Variants in ZC3H12B observed in about 807,000 individuals in gnomAD.
ZC3H12B encodes the protein probable ribonuclease ZC3H12B.
Under a neutral mutation model 43.9 loss-of-function variants are expected in ZC3H12B, and 7 were observed. That is an observed-to-expected ratio of 0.16 (90% CI 0.09 to 0.30). ZC3H12B has a LOEUF of 0.30. Ranked by LOEUF, ZC3H12B falls within the 10% of genes least tolerant of loss-of-function variation. ZC3H12B has a pLI of 1.00. For missense variants in ZC3H12B, 475 were observed against 670.2 expected (o/e 0.71, Z 3.22); for synonymous variants, 222 against 241.7 (o/e 0.92, Z 0.76).
At chrX:65,488,394 G>A (rs1030743897), upstream of ZC3H12B, among the ~76,000 whole-genome samples, 4 of 96,682 alleles carry the variant, frequency 4.1e-5, no homozygotes, top group Non-Finnish European at 8.2e-5. Context: ...ATGTCGCAGG[G>A]TGGGGTAGGG....
the ZC3H12B span, among the ~76,000 whole-genome samples, chrX:65,229,942 G>T: frequency 8.9e-6 from 1 of 111,820 alleles, no homozygotes; most frequent in African/African-American, 3.3e-5. Flanking sequence ...TGGTGGGACA[G>T]TAAACTAGTT....
At chrX:65,342,628 A>C in the ZC3H12B span, among the ~76,000 whole-genome samples, 1 of 111,719 alleles carries the variant, frequency 9.0e-6, no homozygotes, top group Non-Finnish European at 1.9e-5. Flanking sequence ...GATACAACAT[A>C]GTGGAATCTC....
chrX:65,139,408 G>C, the ZC3H12B span, among the ~76,000 whole-genome samples: 1 of 111,511 alleles, frequency 9.0e-6, no homozygotes, highest in Non-Finnish European at 1.9e-5. Context: ...TAAATGTGTG[G>C]ATTTATTTCT....
At chrX:65,503,074 G>A (rs1790018973) in exon 5 of ZC3H12B, 3 of 1,211,293 alleles carry the variant, frequency 2.5e-6, no homozygotes, top group Non-Finnish European at 3.4e-6. Flanking sequence ...CAGAACACCA[G>A]TATCAGACCT....
At chrX:65,468,475 T>C (rs984424287) in intron 3 of ZC3H12B, among the ~76,000 whole-genome samples, 2 of 98,024 alleles carry the variant, frequency 2.0e-5, no homozygotes. Flanking sequence ...GGATTGTTTA[T>C]TCTTTCTTTC....
the ZC3H12B span, among the ~76,000 whole-genome samples, chrX:65,274,603 C>T: frequency 1.8e-5 from 2 of 108,838 alleles, no homozygotes; most frequent in African/African-American, 6.7e-5. Context: ...CACACAGCTG[C>T]CTACCTAACC....
chrX:65,386,587 CA>C lies in ZC3H12B; in HGVS notation n.296-12001del, dbSNP rs767149744. On this transcript the variant is annotated intron_variant and non_coding_transcript_variant, in intron 2 of 5. Coordinates refer to the ZC3H12B transcript ENST00000617377. ...AGTCTATCAATTTTGTTGATCTTTT[CA>C]AAAACCAGCCCCTGGTTTCATTGAT... 1.7e-3 allele frequency among the ~76,000 whole-genome samples: 192 copies of C among 110,785 alleles called. 1 individual carries two copies. The highest frequency in any genetic ancestry group is 5.6e-3 in the African/African-American group (171 of 30,531).
At chrX:65,487,613 G>A (rs2068142566), upstream of ZC3H12B, among the ~76,000 whole-genome samples, 1 of 111,598 alleles carries the variant, frequency 9.0e-6, no homozygotes, top group Non-Finnish European at 1.9e-5. Context: ...TTTTTATTAT[G>A]TTCTGGTTTC....
the ZC3H12B span, among the ~76,000 whole-genome samples, chrX:65,176,212 T>C: frequency 9.0e-6 from 1 of 111,206 alleles, no homozygotes; most frequent in Admixed American, 9.6e-5. Context: ...GGGGAGGGGA[T>C]CCCACCATTA....
the ZC3H12B span, among the ~76,000 whole-genome samples, chrX:65,085,538 C>T: frequency 1.8e-5 from 2 of 110,597 alleles, no homozygotes; most frequent in Non-Finnish European, 3.8e-5. Flanking sequence ...TTTGTGTGGC[C>T]GAGGCTGAAG....
At chrX:65,428,616 T>C (rs1324680581) in intron 3 of ZC3H12B, among the ~76,000 whole-genome samples, 1 of 112,863 alleles carries the variant, frequency 8.9e-6, no homozygotes, top group African/African-American at 3.2e-5. Flanking sequence ...GTCTGTTATA[T>C]TCCTCTCTAA....
At chrX:65,184,289 G>T in the ZC3H12B span, among the ~76,000 whole-genome samples, 1 of 110,769 alleles carries the variant, frequency 9.0e-6, no homozygotes, top group African/African-American at 3.3e-5. Context: ...ACAGAATAAT[G>T]ATTACAATAG....
At chrX:65,189,261 G>C in the ZC3H12B span, among the ~76,000 whole-genome samples, 1 of 100,050 alleles carries the variant, frequency 1.0e-5, no homozygotes, top group Non-Finnish European at 2.0e-5. Context: ...AAACATACGT[G>C]TGCATGTGTC....
the ZC3H12B span, among the ~76,000 whole-genome samples, chrX:65,205,728 T>G: frequency 2.7e-5 from 3 of 111,344 alleles, no homozygotes; most frequent in African/African-American, 9.8e-5. Context: ...GAAGTCAAAC[T>G]GTCACTGTTT....
chrX:65,338,025 T>C, the ZC3H12B span, among the ~76,000 whole-genome samples: 2 of 112,259 alleles, frequency 1.8e-5, no homozygotes, highest in South Asian at 7.4e-4. Context: ...CATTTACACA[T>C]TCAAGGTTAA....
intron 1 of ZC3H12B, among the ~76,000 whole-genome samples, chrX:65,491,716 T>A (rs67569790): frequency 0.043 from 3,807 of 87,925 alleles, 94 homozygotes; most frequent in East Asian, 0.14. Flanking sequence ...AAAAAAAAAA[T>A]ATATATATAT....
the ZC3H12B span, among the ~76,000 whole-genome samples, chrX:65,201,606 A>G: frequency 9.5e-6 from 1 of 104,859 alleles, no homozygotes; most frequent in Admixed American, 1.1e-4. Flanking sequence ...GTTTGTTTAA[A>G]CAGCTATTTT....
At chrX:65,224,796 C>T in the ZC3H12B span, among the ~76,000 whole-genome samples, 1 of 111,948 alleles carries the variant, frequency 8.9e-6, no homozygotes. Context: ...TGAGATCAAA[C>T]TACAAGGTGG....
chrX:65,218,765 C>T, the ZC3H12B span, among the ~76,000 whole-genome samples: 1 of 111,433 alleles, frequency 9.0e-6, no homozygotes, highest in Non-Finnish European at 1.9e-5. Context: ...GGACATATCT[C>T]TTGGGAGCTC....
Sources: allele counts gnomAD v4.1 joint callset (sites outside exome capture counted in the v4.1 genomes callset), GRCh38; gene constraint gnomAD v4.1.1; transcripts MANE v1.5; gene names NCBI Gene and HGNC (gene_info 2026-07-23, HGNC 2026-07-21).